The following ENPP2 variants were observed in gnomAD, a reference collection of about 807,000 sequenced individuals.
ENPP2 encodes ectonucleotide pyrophosphatase/phosphodiesterase 2.
In ENPP2, 51 loss-of-function variants were observed where a neutral mutation model predicts 120.2. That is an observed-to-expected ratio of 0.42 (90% confidence interval 0.34 to 0.54). The LOEUF (loss-of-function observed/expected upper bound fraction) is 0.54. Among genes scored for constraint, ENPP2 ranks in the 20% least tolerant of loss-of-function variants. The pLI, the probability that ENPP2 is intolerant of heterozygous loss-of-function variation, is 0.04. For synonymous variants in ENPP2, 365 were observed against 366.4 expected (o/e 1.00, Z 0.04); for missense variants, 920 against 1,066.5 (o/e 0.86, Z 1.91).
upstream of ENPP2, among the ~76,000 whole-genome samples, chr8:119,642,782 T>C (rs898659615): frequency 5.3e-5 from 8 of 152,190 alleles, no homozygotes; most frequent in Admixed American, 1.3e-4. Flanking sequence ...AGTAGTTGCA[T>C]TTATATAAAT....
chr8:119,631,984 G>A (rs80150413), intron 2 of ENPP2, among the ~76,000 whole-genome samples: 5,149 of 152,238 alleles, frequency 0.034, 147 homozygotes, highest in East Asian at 0.13. Flanking sequence ...TTCCAGGCTC[G>A]CCCAAGCCAT....
chr8:119,617,622 T>C (rs1815561548), intron 5 of ENPP2, 59 bp from the exon 6 acceptor site: 1 of 1,173,744 alleles, frequency 8.5e-7, no homozygotes, highest in Admixed American at 1.9e-5. Context: ...CCATTACGCC[T>C]AGTGATTCTC....
intron 9 of ENPP2, among the ~76,000 whole-genome samples, chr8:119,605,428 A>ATGTG (rs557037737): frequency 0.06 from 8,167 of 135,184 alleles, 283 homozygotes; most frequent in African/African-American, 0.11. Context: ...AAGATACCAT[A>ATGTG]TATGTGTGTG....
At chr8:119,584,159 C>T (rs1234190185) in intron 15 of ENPP2, 110 bp from the exon 16 acceptor site, 1 of 705,622 alleles carries the variant, frequency 1.4e-6, no homozygotes, top group Middle Eastern at 2.9e-4. Context: ...TGAAAGTTTG[C>T]CTCTATTTTA....
chr8:119,636,800 AG>A (rs1817026744), intron 2 of ENPP2, among the ~76,000 whole-genome samples: 1 of 151,880 alleles, frequency 6.6e-6, no homozygotes, highest in Non-Finnish European at 1.5e-5. Flanking sequence ...TTTTTAATCC[AG>A]AAAGAAAAGT....
chr8:119,558,750 T>C (rs1223749944), intron 24 of ENPP2, among the ~76,000 whole-genome samples: 1 of 152,102 alleles, frequency 6.6e-6, no homozygotes, highest in East Asian at 1.9e-4. Context: ...CATTCACAAA[T>C]GCCTCTGGAA....
chr8:119,589,802 C>T (rs1485377629), intron 13 of ENPP2, among the ~76,000 whole-genome samples: 1 of 152,076 alleles, frequency 6.6e-6, no homozygotes, highest in Non-Finnish European at 1.5e-5. Flanking sequence ...CAAAGTGCGG[C>T]ATAACCCCAA....
chr8:119,651,206 G>C (rs1817617367), intron 1 of ENPP2, among the ~76,000 whole-genome samples: 1 of 152,138 alleles, frequency 6.6e-6, no homozygotes, highest in Non-Finnish European at 1.5e-5. Context: ...GGCATTGCAA[G>C]CAGAGGAAAT....
At chr8:119,594,853 A>T (rs1249775414) in intron 11 of ENPP2, among the ~76,000 whole-genome samples, 1 of 152,254 alleles carries the variant, frequency 6.6e-6, no homozygotes, top group African/African-American at 2.4e-5. Flanking sequence ...TTACTCGGAC[A>T]CATAATATTA....
In ENPP2 at chr8:119,647,823, G is replaced by A. The variant is rs547198250; in HGVS notation, c.22-9296C>T. Among the ~76,000 whole-genome samples the A allele has an allele frequency of 1.1e-4, 17 of 152,240 alleles. No homozygotes were observed. The East Asian group carries it at 2.9e-3, about 26-fold the overall frequency. On this transcript the variant is annotated intron_variant, in intron 1 of 25. Transcript: ENST00000427067. ...AGATCGATGCCGACCTGGCCAACATGGCAAAATCCCGTCTTTACTAAAAAT... is the reference window on the plus strand; with the variant it reads ...AGATCGATGCCGACCTGGCCAACATAGCAAAATCCCGTCTTTACTAAAAAT...
At position 119,597,660 on chromosome 8, in the gene ENPP2, G is replaced by A. The variant is rs527726579; in HGVS notation, c.972+3018C>T. ...CAAAGCTCTGCCTGTAGGCCCGGAA[G>A]AGCAGCCGAACAAGGGGTCACAGAA... On this transcript the variant is annotated intron_variant, in intron 11 of 24. Coordinates refer to ENST00000075322, the MANE Select transcript of ENPP2 (RefSeq NM_001040092.3). 4.6e-5 allele frequency among the ~76,000 whole-genome samples: 7 copies of A among 152,280 alleles called. No homozygotes were observed. In the South Asian group the frequency reaches 1.5e-3, roughly 32 times the overall value.
At chr8:119,634,056 G>A (rs959985220) in intron 2 of ENPP2, among the ~76,000 whole-genome samples, 37 of 152,168 alleles carry the variant, frequency 2.4e-4, no homozygotes, top group Admixed American at 1.8e-3. Context: ...GGTGGTGGGC[G>A]CCTGTAATCT....
intron 12 of ENPP2, among the ~76,000 whole-genome samples, chr8:119,590,863 A>C (rs1324927232): frequency 1.3e-5 from 2 of 152,080 alleles, no homozygotes; most frequent in Non-Finnish European, 2.9e-5. Flanking sequence ...TAGAAGGTTG[A>C]AAGTGCATTA....
intron 24 of ENPP2, among the ~76,000 whole-genome samples, chr8:119,561,653 G>T (rs1045201841): frequency 9.2e-5 from 14 of 152,132 alleles, no homozygotes; most frequent in Non-Finnish European, 4.4e-5. Flanking sequence ...CTGCATCCTA[G>T]CTGTCTCCCC....
At position 119,569,263 on chromosome 8, in the gene ENPP2, C is replaced by G; in HGVS notation, c.2025G>C (p.Gln675His). 1 of 1,614,082 alleles carries G rather than the reference C, an allele frequency of 6.2e-7. No individual in the cohort carries two copies. The highest frequency in any genetic ancestry group is 8.5e-7 in the Non-Finnish European group (1 of 1,179,992). The change falls in exon 21 of 25, where the codon CAG becomes CAC. Residue 675 changes from glutamine to histidine, a missense_variant. Coordinates refer to ENST00000075322, the MANE Select transcript of ENPP2 (RefSeq NM_001040092.3). The stretch of plus-strand genomic sequence containing the variant: ...GAGGAAAGAGGAATCCGTAGGACAT[C>G]TGCTTATCATTTTTGTAGGCCAAAC... ...QNCLAYKNDK[Q>H]MSYGFLFPPY...
At chr8:119,635,689 C>G (rs7007970) in intron 2 of ENPP2, among the ~76,000 whole-genome samples, 22,562 of 152,172 alleles carry the variant, frequency 0.15, 2,097 homozygotes, top group African/African-American at 0.26. Context: ...ATTGTATTTA[C>G]CCAACAGAAT....
chr8:119,593,074 G>A (rs149741421), intron 12 of ENPP2: 38 of 304,810 alleles, frequency 1.2e-4, no homozygotes, highest in African/African-American at 8.5e-4. Context: ...GCATGTCTCT[G>A]AGCCCCCACC....
chr8:119,567,803 T>C (rs1226698115), intron 22 of ENPP2, among the ~76,000 whole-genome samples: 3 of 152,176 alleles, frequency 2.0e-5, no homozygotes, highest in Non-Finnish European at 4.4e-5. Flanking sequence ...TTTTTAACCA[T>C]TAAGATAATA....
At chr8:119,558,727 T>C (rs1813680502) in intron 24 of ENPP2, among the ~76,000 whole-genome samples, 3 of 151,734 alleles carry the variant, frequency 2.0e-5, no homozygotes, top group Admixed American at 2.0e-4. Context: ...AGCAGGACCT[T>C]TGCAAGTAAT....
Sources: allele counts gnomAD v4.1 joint callset (sites outside exome capture counted in the v4.1 genomes callset), GRCh38; gene constraint gnomAD v4.1.1; transcripts MANE v1.5; gene names NCBI Gene and HGNC (gene_info 2026-07-23, HGNC 2026-07-21).